KCNH8: variants seen among roughly 807,000 people sequenced by gnomAD.
KCNH8 encodes the protein voltage-gated delayed rectifier potassium channel KCNH8.
A neutral mutation model predicts 103.6 loss-of-function variants in KCNH8; 70 were observed. The observed-to-expected ratio is 0.68, with a 90% CI of 0.56 to 0.82. KCNH8 has a LOEUF of 0.82. Among genes scored for constraint, KCNH8 ranks in the 40% least tolerant of loss-of-function variants. The probability of loss-of-function intolerance (pLI) is 0.00; values close to 1 mark genes in which losing one functional copy is unlikely to be tolerated. For synonymous variants in KCNH8, 498 were observed against 489.4 expected (o/e 1.02, Z -0.23); for missense variants, 1,217 against 1,329.9 (o/e 0.92, Z 1.32).
rs2065678813 is a variant in KCNH8, at chr3:19,342,773, C to A, written c.570+59C>A. On this transcript the variant is annotated intron_variant, in intron 4 of 15. Transcript: ENST00000328405. ...TGTTTCCCCTGGTGGCAATGTTTGACTCGCTAAAGAAAGGCCTCAATTACC... is the reference window on the plus strand; with the variant it reads ...TGTTTCCCCTGGTGGCAATGTTTGAATCGCTAAAGAAAGGCCTCAATTACC... 9.3e-6 allele frequency: 14 copies of A among 1,504,860 alleles called. No individual in the cohort carries two copies. The South Asian group carries it at 1.7e-4, about 18-fold the overall frequency. 93.2% of individuals were successfully genotyped at this position (1,504,860 alleles called of 1,614,324 possible).
At chr3:19,463,616 G>T (rs1316941864) in intron 11 of KCNH8, among the ~76,000 whole-genome samples, 1 of 152,130 alleles carries the variant, frequency 6.6e-6, no homozygotes, top group Admixed American at 6.5e-5. Context: ...ATTAATAAAA[G>T]TGTATAGGAA....
At chr3:19,513,522 T>C (rs933062000) in intron 13 of KCNH8, among the ~76,000 whole-genome samples, 197 bp downstream of exon 13, 1 of 152,166 alleles carries the variant, frequency 6.6e-6, no homozygotes, top group African/African-American at 2.4e-5. Flanking sequence ...CAAAATATGT[T>C]CTCAAAATAC....
intron 10 of KCNH8, among the ~76,000 whole-genome samples, chr3:19,453,041 A>C (rs1034349709): frequency 1.3e-5 from 2 of 152,178 alleles, no homozygotes; most frequent in African/African-American, 4.8e-5. Flanking sequence ...GAAATCATAT[A>C]TTTTGCAGCA....
chr3:19,374,700 C>T (rs1014417554), intron 5 of KCNH8, among the ~76,000 whole-genome samples: 38 of 151,996 alleles, frequency 2.5e-4, no homozygotes, highest in African/African-American at 7.7e-4. Flanking sequence ...TTCCTAGTCT[C>T]GATGGTCTTT....
At chr3:19,479,378 T>C in intron 11 of KCNH8, among the ~76,000 whole-genome samples, 1 of 152,290 alleles carries the variant, frequency 6.6e-6, no homozygotes, top group South Asian at 2.1e-4. Flanking sequence ...TGTTAAAATA[T>C]CATCAGTTCT....
chr3:19,324,878 A>G (rs1476285720), intron 3 of KCNH8, among the ~76,000 whole-genome samples: 1 of 152,232 alleles, frequency 6.6e-6, no homozygotes, highest in East Asian at 1.9e-4. Flanking sequence ...CCAAACAGCC[A>G]AGGCAATTTT....
Position 19,515,373 on chromosome 3 carries a change from T to C in KCNH8, c.2487T>C (p.Phe829=). 6.3e-7 allele frequency: 1 copy of C among 1,587,066 alleles called. No individual in the cohort carries two copies. Among genetic ancestry groups the C allele is most frequent in the Middle Eastern group, 1.7e-4 (1 of 6,000 alleles). The change falls in exon 14 of 16, where the codon TTT becomes TTC. Residue 829 remains phenylalanine, a synonymous_variant. Coordinates refer to ENST00000328405, the MANE Select transcript of KCNH8 (RefSeq NM_144633.3). ...ACAGCAGTGAAGAAAGTCAGACTTT[T>C]GATTTTGGCTCTGAACGAATCAGAT... The part of the protein sequence containing the change: ...DGNSSEESQT[F]DFGSERIRSE...
intron 11 of KCNH8, among the ~76,000 whole-genome samples, chr3:19,469,755 G>C (rs2067817543): frequency 6.6e-6 from 1 of 152,140 alleles, no homozygotes; most frequent in Non-Finnish European, 1.5e-5. Context: ...AGGAAATAAA[G>C]ATCAATTTGG....
intron 5 of KCNH8, among the ~76,000 whole-genome samples, chr3:19,369,150 G>T (rs1320031113): frequency 6.6e-6 from 1 of 151,952 alleles, no homozygotes; most frequent in African/African-American, 2.4e-5. Context: ...AACAGTGGAG[G>T]TAACAGTATT....
At chr3:19,346,444 C>T (rs1425965477) in intron 4 of KCNH8, among the ~76,000 whole-genome samples, 2 of 152,024 alleles carry the variant, frequency 1.3e-5, no homozygotes, top group Admixed American at 6.6e-5. Context: ...AACAGTGACC[C>T]ACCACGAAGT....
intron 1 of KCNH8, among the ~76,000 whole-genome samples, chr3:19,151,102 A>G (rs1035329268): frequency 2.0e-5 from 3 of 152,062 alleles, no homozygotes; most frequent in African/African-American, 4.8e-5. Context: ...AAATTTTGGT[A>G]TATCTAGAAT....
chr3:19,340,332 ATTTATTTTTTTTATTTTTTT>A (rs1346411923), intron 3 of KCNH8, among the ~76,000 whole-genome samples: 2 of 147,152 alleles, frequency 1.4e-5, no homozygotes, highest in African/African-American at 5.1e-5. Flanking sequence ...CATAGATTCA[ATTTATTTTTTTTATTTTTTT>A]TTTAATTTTT....
In KCNH8 at chr3:19,535,409, A is replaced by G. The variant is rs930605293; in HGVS notation, c.*1310A>G. On this transcript the variant is annotated 3_prime_UTR_variant, in exon 16 of 16. Transcript: ENST00000328405. ...GATTACACAGTTAGGATGCTGACAC[A>G]GTCTAGAATCCATAATGCTCCCTAC... 3 of 152,242 alleles carry G rather than the reference A, an allele frequency of 2.0e-5. No homozygotes were observed. The highest frequency in any genetic ancestry group is 7.2e-5 in the African/African-American group (3 of 41,464). 9.4% of individuals were successfully genotyped at this position (152,242 alleles called of 1,614,324 possible).
At chr3:19,521,363 C>T (rs2068967980) in intron 15 of KCNH8, among the ~76,000 whole-genome samples, 1 of 151,938 alleles carries the variant, frequency 6.6e-6, no homozygotes, top group Non-Finnish European at 1.5e-5. Context: ...TAGATTTGTC[C>T]TCTATTAAAT....
At chr3:19,430,553 G>C (rs1228905910) in intron 7 of KCNH8, among the ~76,000 whole-genome samples, 1 of 152,056 alleles carries the variant, frequency 6.6e-6, no homozygotes, top group Non-Finnish European at 1.5e-5. Context: ...GAATAGCATT[G>C]AATCTATAAA....
chr3:19,308,223 G>T (rs561503215), intron 3 of KCNH8, among the ~76,000 whole-genome samples: 1 of 151,506 alleles, frequency 6.6e-6, no homozygotes, highest in South Asian at 2.1e-4. Context: ...ATATTAGAAG[G>T]TCTAGCTGCT....
At chr3:19,358,696 A>T (rs2065911577) in intron 5 of KCNH8, among the ~76,000 whole-genome samples, 1 of 151,992 alleles carries the variant, frequency 6.6e-6, no homozygotes, top group Non-Finnish European at 1.5e-5. Flanking sequence ...TTAAATACAT[A>T]GAAACCAAAA....
chr3:19,164,302 A>G (rs2063261755), intron 1 of KCNH8, among the ~76,000 whole-genome samples: 1 of 152,176 alleles, frequency 6.6e-6, no homozygotes, highest in Non-Finnish European at 1.5e-5. Context: ...TCTCCTCTTA[A>G]TTGCAAAACC....
intron 3 of KCNH8, among the ~76,000 whole-genome samples, chr3:19,288,181 C>CTTTTTTT (rs767659898): frequency 2.5e-3 from 97 of 38,090 alleles, no homozygotes; most frequent in Non-Finnish European, 2.8e-3. Context: ...TATCAAACTT[C>CTTTTTTT]TTTTTTTTTT....
Sources: allele counts gnomAD v4.1 joint callset (sites outside exome capture counted in the v4.1 genomes callset), GRCh38; gene constraint gnomAD v4.1.1; transcripts MANE v1.5; gene names NCBI Gene and HGNC (gene_info 2026-07-23, HGNC 2026-07-21).